SEMA3C: variants seen among roughly 807,000 people sequenced by gnomAD.
SEMA3C encodes semaphorin 3C, also known as semaphorin-3C.
In SEMA3C, 47 loss-of-function variants were observed where a neutral mutation model predicts 89.4. The observed-to-expected ratio is 0.53, with a 90% CI of 0.42 to 0.67. The LOEUF (loss-of-function observed/expected upper bound fraction) is 0.67, where lower values mean the gene tolerates loss of function less well. Among genes scored for constraint, SEMA3C ranks in the 30% least tolerant of loss-of-function variants. The pLI is 0.00. For missense variants in SEMA3C, 839 were observed against 929.1 expected (o/e 0.90, Z 1.26); for synonymous variants, 310 against 320.2 (o/e 0.97, Z 0.34).
chr7:80,770,942 T>C (rs978134289), intron 12 of SEMA3C, among the ~76,000 whole-genome samples: 5 of 152,202 alleles, frequency 3.3e-5, no homozygotes, highest in African/African-American at 1.2e-4. Flanking sequence ...GAAGTAAAAC[T>C]GAAAGGTTGT....
intron 12 of SEMA3C, among the ~76,000 whole-genome samples, chr7:80,782,434 T>C (rs1171282659): frequency 1.3e-5 from 2 of 152,196 alleles, no homozygotes; most frequent in Non-Finnish European, 2.9e-5. Flanking sequence ...TCAGGGATAT[T>C]ATCATGATAT....
chr7:80,772,745 A>G (rs1788463280), intron 12 of SEMA3C, among the ~76,000 whole-genome samples: 1 of 152,118 alleles, frequency 6.6e-6, no homozygotes, highest in Non-Finnish European at 1.5e-5. Flanking sequence ...GCCTTTCACA[A>G]AAGTTAAAAT....
At chr7:80,887,514 G>A (rs542676001) in intron 2 of SEMA3C, among the ~76,000 whole-genome samples, 15 of 152,118 alleles carry the variant, frequency 9.9e-5, no homozygotes, top group East Asian at 7.7e-4. Flanking sequence ...TGGATGAATC[G>A]AATCTCCAAA....
chr7:80,762,581 G>A (rs1788209749), intron 13 of SEMA3C, among the ~76,000 whole-genome samples: 1 of 152,156 alleles, frequency 6.6e-6, no homozygotes, highest in South Asian at 2.1e-4. Flanking sequence ...CACTTTGGGA[G>A]GCTGAGGCGG....
chr7:80,881,377 C>A lies in SEMA3C; in HGVS notation c.103+35302G>T, dbSNP rs116114129. On this transcript the variant is annotated intron_variant, in intron 2 of 17. Transcript: ENST00000265361. ...AACCTGTAAGTTATATGGAAATTTG[C>A]AATGTGTTTTATGGTGAAGTCATTT... 1.7e-3 allele frequency among the ~76,000 whole-genome samples: 258 copies of A among 152,154 alleles called. 1 individual carries two copies. In the East Asian group the frequency reaches 0.023, roughly 13 times the overall value.
intron 2 of SEMA3C, chr7:80,847,134 T>C (rs993413308): frequency 6.6e-6 from 1 of 152,180 alleles, no homozygotes; most frequent in Non-Finnish European, 1.5e-5. Flanking sequence ...AGAAAACTGT[T>C]TAGGTTGACC....
chr7:80,823,223 G>A (rs1789795030), intron 4 of SEMA3C, among the ~76,000 whole-genome samples: 1 of 152,054 alleles, frequency 6.6e-6, no homozygotes, highest in South Asian at 2.1e-4. Context: ...ACTATGCACT[G>A]CTCTAAGCTC....
chr7:80,748,920 T>G lies in SEMA3C; in HGVS notation c.1820A>C (p.Lys607Thr), dbSNP rs771662466. 4 of 1,612,468 alleles carry G rather than the reference T, an allele frequency of 2.5e-6. No homozygotes were observed. Among genetic ancestry groups the G allele is most frequent in the Non-Finnish European group, 3.4e-6 (4 of 1,179,394 alleles). ...PQASIKWLLQ[K>T]DKDRRKEVKL... Reference sequence around the variant, plus strand: ...CACCTCTTTCCTCCTGTCTTTGTCTTTCTGTAACAGCCACTTGATAGATGC... The same window carrying G: ...CACCTCTTTCCTCCTGTCTTTGTCTGTCTGTAACAGCCACTTGATAGATGC... Residue 607 changes from lysine (K) to threonine (T), a missense_variant, in exon 17 of 18, where the codon AAA becomes ACA. By Grantham distance (78) the Lys-to-Thr change is moderately conservative. Coordinates refer to ENST00000265361, the MANE Select transcript of SEMA3C (RefSeq NM_006379.5).
chr7:80,905,775 A>G, intron 2 of SEMA3C: 1 of 975,858 alleles, frequency 1.0e-6, no homozygotes, highest in Non-Finnish European at 1.4e-6. Context: ...CTTTTATGGT[A>G]TGCAGCAGGG....
At chr7:80,863,351 A>C (rs55740131) in intron 2 of SEMA3C, among the ~76,000 whole-genome samples, 7,653 of 151,842 alleles carry the variant, frequency 0.05, 225 homozygotes, top group African/African-American at 0.071. Flanking sequence ...AAAAAAAAAA[A>C]AAACAGTAGA....
chr7:80,828,568 G>C lies in SEMA3C; in HGVS notation c.264+17C>G. The stretch of plus-strand genomic sequence containing the variant: ...TTGAAAAGGTGGACACTGTCCTCGT[G>C]AAAGTGATAAACTTACACTCAAAGC... On this transcript the variant is annotated intron_variant, in intron 3 of 17. Transcript: ENST00000265361. The C allele has an allele frequency of 2.5e-6, 4 of 1,589,128 alleles. No homozygotes were observed. The highest frequency in any genetic ancestry group is 3.4e-6 in the Non-Finnish European group (4 of 1,165,924).
At chr7:80,866,782 T>C (rs1195782189) in intron 2 of SEMA3C, among the ~76,000 whole-genome samples, 2 of 152,212 alleles carry the variant, frequency 1.3e-5, no homozygotes, top group Non-Finnish European at 2.9e-5. Context: ...TTCATTTGCA[T>C]TTACAGGCAC....
intron 14 of SEMA3C, among the ~76,000 whole-genome samples, chr7:80,758,927 G>T (rs1450887390): frequency 1.3e-5 from 2 of 151,956 alleles, no homozygotes; most frequent in Non-Finnish European, 2.9e-5. Context: ...TTTAAGTTTA[G>T]AAGGAAAAAA....
chr7:80,893,463 A>C (rs1791663280), intron 2 of SEMA3C, among the ~76,000 whole-genome samples: 2 of 152,148 alleles, frequency 1.3e-5, no homozygotes, highest in Non-Finnish European at 2.9e-5. Flanking sequence ...CTTTTCCTTT[A>C]TCTCTCTAGC....
At chr7:80,750,271 G>T (rs955734962) in intron 16 of SEMA3C, among the ~76,000 whole-genome samples, 2 of 151,398 alleles carry the variant, frequency 1.3e-5, no homozygotes, top group Non-Finnish European at 1.5e-5. Context: ...GGGAAGGAAG[G>T]AATTAGTTTA....
intron 2 of SEMA3C, among the ~76,000 whole-genome samples, chr7:80,914,258 T>C (rs966459932): frequency 3.3e-5 from 5 of 152,162 alleles, no homozygotes; most frequent in Non-Finnish European, 7.4e-5. Flanking sequence ...ATTAACCCCA[T>C]ACAAAGCTCT....
chr7:80,764,900 T>C (rs1259427530), intron 13 of SEMA3C, among the ~76,000 whole-genome samples: 1 of 152,206 alleles, frequency 6.6e-6, no homozygotes, highest in African/African-American at 2.4e-5. Context: ...ATGACCACAA[T>C]TCTTCAAGTT....
At chr7:80,803,987 C>A (rs1789275950) in intron 8 of SEMA3C, 119 bp downstream of exon 8, 3 of 861,708 alleles carry the variant, frequency 3.5e-6, no homozygotes, top group East Asian at 5.5e-5. Context: ...ATAAATGTTA[C>A]ATTAAATGCT....
At chr7:80,804,365 AT>A in intron 7 of SEMA3C, 117 bp from the exon 8 acceptor site, 1 of 571,718 alleles carries the variant, frequency 1.7e-6, no homozygotes, top group Non-Finnish European at 2.8e-6. Context: ...ACAATTCAAC[AT>A]TTACAGGCAC....
Sources: gnomAD v4.1 joint callset for allele counts (sites outside exome capture counted in the v4.1 genomes callset) on GRCh38, gnomAD v4.1.1 for gene constraint, MANE v1.5 for transcripts, NCBI Gene and HGNC (gene_info 2026-07-23, HGNC 2026-07-21) for gene names.